The following GPHN variants were observed in gnomAD, a reference collection of about 807,000 sequenced individuals.
The protein encoded by GPHN is gephyrin.
Under a neutral mutation model 95.5 loss-of-function variants are expected in GPHN, and 17 were observed. The ratio of observed to expected loss-of-function variants is 0.18; its 90% CI spans 0.12 to 0.27. The LOEUF (loss-of-function observed/expected upper bound fraction) is 0.27. Among genes scored for constraint, GPHN ranks in the 10% least tolerant of loss-of-function variants. The probability of loss-of-function intolerance (pLI) is 1.00; values close to 1 mark genes in which losing one functional copy is unlikely to be tolerated. For missense variants in GPHN, 660 were observed against 978.1 expected (o/e 0.67, Z 4.34); for synonymous variants, 320 against 322.5 (o/e 0.99, Z 0.08).
intron 4 of GPHN, among the ~76,000 whole-genome samples, chr14:66,831,269 T>G (rs1223214838): frequency 2.0e-5 from 3 of 152,254 alleles, no homozygotes; most frequent in South Asian, 2.1e-4. Flanking sequence ...TTGAGTAAAA[T>G]AAAATACCTG....
At chr14:67,209,220 T>C in the GPHN span, among the ~76,000 whole-genome samples, 1 of 152,212 alleles carries the variant, frequency 6.6e-6, no homozygotes, top group African/African-American at 2.4e-5. Context: ...CCATATCTCA[T>C]GGAGTGTTTT....
chr14:67,287,025 T>C, the GPHN span, among the ~76,000 whole-genome samples: 3 of 152,162 alleles, frequency 2.0e-5, no homozygotes, highest in East Asian at 3.9e-4. Context: ...CAAGACCAGC[T>C]TGGGTGACAG....
At chr14:67,581,187 G>A in the GPHN span, 9 of 619,076 alleles carry the variant, frequency 1.5e-5, no homozygotes, top group African/African-American at 3.7e-5. Context: ...GGGTGCAGGC[G>A]GGCTCTGCTG....
chr14:66,943,811 T>C (rs912026919), intron 8 of GPHN, among the ~76,000 whole-genome samples: 2 of 152,102 alleles, frequency 1.3e-5, no homozygotes, highest in African/African-American at 4.8e-5. Flanking sequence ...TGCTTACCAA[T>C]CTCCTAATTG....
intron 2 of GPHN, among the ~76,000 whole-genome samples, chr14:66,745,297 T>C (rs2058097149): frequency 6.6e-6 from 1 of 152,110 alleles, no homozygotes; most frequent in Non-Finnish European, 1.5e-5. Context: ...CTGTCTTGCC[T>C]TCTCTCTATA....
chr14:67,292,200 G>C, the GPHN span, among the ~76,000 whole-genome samples: 1 of 152,248 alleles, frequency 6.6e-6, no homozygotes, highest in Non-Finnish European at 1.5e-5. Flanking sequence ...ATATTTCTAG[G>C]TGATGGGATT....
chr14:66,796,675 A>AT (rs1320305433), intron 3 of GPHN, among the ~76,000 whole-genome samples: 1 of 151,816 alleles, frequency 6.6e-6, no homozygotes, highest in East Asian at 1.9e-4. Context: ...AATTGAATAG[A>AT]TTTTTTTCCT....
chr14:66,840,736 C>CAAAAAA (rs553788734), intron 4 of GPHN, among the ~76,000 whole-genome samples: 1 of 81,162 alleles, frequency 1.2e-5, no homozygotes, highest in Non-Finnish European at 3.2e-5. Context: ...GCAGGCCATA[C>CAAAAAA]AAAAAAAAAA....
chr14:67,679,154 G>A, the GPHN span, among the ~76,000 whole-genome samples: 3,894 of 152,262 alleles, frequency 0.026, 66 homozygotes, highest in Non-Finnish European at 0.038. Context: ...ACATGGGCAA[G>A]AGAGGGAAGG....
At chr14:66,587,119 A>C (rs1394344268) in intron 1 of GPHN, among the ~76,000 whole-genome samples, 1 of 152,168 alleles carries the variant, frequency 6.6e-6, no homozygotes, top group Non-Finnish European at 1.5e-5. Context: ...ATACACAAAC[A>C]AATTACATAA....
the GPHN span, among the ~76,000 whole-genome samples, chr14:67,328,671 G>C: frequency 6.6e-6 from 1 of 152,142 alleles, no homozygotes. Context: ...GTAAGGAAGG[G>C]ATCCAGTTTC....
chr14:67,342,223 T>TTAAA, the GPHN span, among the ~76,000 whole-genome samples: 7 of 93,460 alleles, frequency 7.5e-5, no homozygotes, highest in African/African-American at 4.2e-4. Context: ...TAAAATAAAA[T>TTAAA]AAAAAAAAAC....
At chr14:67,048,300 T>C (rs72715304) in intron 10 of GPHN, among the ~76,000 whole-genome samples, 6,521 of 152,290 alleles carry the variant, frequency 0.043, 167 homozygotes, top group Non-Finnish European at 0.054. Context: ...CCATGGAGGA[T>C]AGGAAATCTC....
At chr14:67,459,762 GAAC>G in the GPHN span, among the ~76,000 whole-genome samples, 6 of 152,220 alleles carry the variant, frequency 3.9e-5, no homozygotes, top group Admixed American at 2.0e-4. Flanking sequence ...CGTTGATTGG[GAAC>G]AACAATTATA....
At chr14:67,596,989 T>C in the GPHN span, among the ~76,000 whole-genome samples, 1 of 152,374 alleles carries the variant, frequency 6.6e-6, no homozygotes, top group East Asian at 1.9e-4. Context: ...TGATGGTCTC[T>C]TTCTACTTTT....
chr14:66,806,198 T>C (rs1412390888), intron 3 of GPHN, among the ~76,000 whole-genome samples: 1 of 152,162 alleles, frequency 6.6e-6, no homozygotes, highest in Non-Finnish European at 1.5e-5. Context: ...CGTTGTCCCC[T>C]TTCAGCCACT....
intron 11 of GPHN, among the ~76,000 whole-genome samples, chr14:67,074,195 T>TG (rs2076412474): frequency 1.3e-5 from 2 of 152,044 alleles, no homozygotes; most frequent in Non-Finnish European, 2.9e-5. Context: ...CCTTTTTTTT[T>TG]TTTTTAACAA....
chr14:67,685,580 C>A, the GPHN span, among the ~76,000 whole-genome samples: 3 of 152,132 alleles, frequency 2.0e-5, no homozygotes, highest in African/African-American at 7.2e-5. Context: ...ACCTTGGCCT[C>A]CCAAAGTATT....
At chr14:67,469,996 C>A in the GPHN span, among the ~76,000 whole-genome samples, 1 of 152,296 alleles carries the variant, frequency 6.6e-6, no homozygotes, top group Non-Finnish European at 1.5e-5. Context: ...TCCCCCTCTG[C>A]CTGGGAGCGT....
Sources: gnomAD v4.1 joint callset for allele counts (sites outside exome capture counted in the v4.1 genomes callset) on GRCh38, gnomAD v4.1.1 for gene constraint, MANE v1.5 for transcripts, NCBI Gene and HGNC (gene_info 2026-07-23, HGNC 2026-07-21) for gene names.